ASTN2: variants seen among roughly 807,000 people sequenced by gnomAD.
ASTN2 encodes astrotactin-2.
In ASTN2, 54 loss-of-function variants were observed where a neutral mutation model predicts 139.8. That is an observed-to-expected ratio of 0.39 (90% CI 0.31 to 0.48). ASTN2 has a LOEUF of 0.48. ASTN2 is among the 20% of genes least tolerant of loss of function. The pLI is 0.95. For missense variants in ASTN2, 1,565 were observed against 1,725.1 expected, an observed-to-expected ratio of 0.91 and a Z score of 1.64; for synonymous variants, 756 against 719.5, an observed-to-expected ratio of 1.05 and a Z score of -0.81.
At chr9:116,502,690 G>GGAAA (rs1240946190) in intron 19 of ASTN2, among the ~76,000 whole-genome samples, 555 of 13,786 alleles carry the variant, frequency 0.04, 31 homozygotes, top group East Asian at 0.33. Flanking sequence ...AAAGAAGGAA[G>GGAAA]GAAGGAAGGA....
At chr9:117,407,730 C>T (rs560296944) in intron 1 of ASTN2, among the ~76,000 whole-genome samples, 51 of 152,284 alleles carry the variant, frequency 3.3e-4, no homozygotes, top group African/African-American at 1.2e-3. Flanking sequence ...AGAACAAGTG[C>T]TAGAAAATAG....
At chr9:116,537,069 C>T (rs1467080680) in intron 19 of ASTN2, among the ~76,000 whole-genome samples, 1 of 152,192 alleles carries the variant, frequency 6.6e-6, no homozygotes, top group Non-Finnish European at 1.5e-5. Flanking sequence ...GCGCCCCTCC[C>T]CCAGCCTTGC....
intron 19 of ASTN2, among the ~76,000 whole-genome samples, chr9:116,560,737 T>C (rs756554265): frequency 1.3e-5 from 2 of 152,202 alleles, no homozygotes; most frequent in Non-Finnish European, 2.9e-5. Context: ...GCAAAATGTC[T>C]CTGGGACCTG....
intron 10 of ASTN2, among the ~76,000 whole-genome samples, chr9:116,886,002 G>A (rs1245410806): frequency 6.6e-6 from 1 of 152,212 alleles, no homozygotes; most frequent in Non-Finnish European, 1.5e-5. Flanking sequence ...GGGCAGGTGG[G>A]CTTTCTGTGC....
chr9:116,863,519 G>T lies in ASTN2; in HGVS notation c.2040+64C>A, dbSNP rs556665897. The T allele has an allele frequency of 8.2e-6, 13 of 1,577,400 alleles. No homozygotes were observed. In the African/African-American group the frequency reaches 1.8e-4, roughly 21 times the overall value. ...TTACCAGCGTTCCCTCGCAGGGCAG[G>T]GCTTCTAGCAGGTGGCCTTAGCCCC... On this transcript the variant is annotated intron_variant, in intron 11 of 22. Coordinates refer to ENST00000313400, the MANE Select transcript of ASTN2 (RefSeq NM_001365068.1).
intron 1 of ASTN2, among the ~76,000 whole-genome samples, chr9:117,397,931 T>C (rs1010999119): frequency 2.0e-4 from 30 of 152,308 alleles, no homozygotes; most frequent in African/African-American, 7.0e-4. Context: ...TAATAACTAG[T>C]CCCTTTCTAG....
intron 5 of ASTN2, among the ~76,000 whole-genome samples, chr9:117,061,666 C>G (rs956063987): frequency 5.9e-5 from 9 of 152,176 alleles, no homozygotes; most frequent in African/African-American, 2.2e-4. Context: ...CTTTGTTATA[C>G]AAGTTATTAA....
intron 11 of ASTN2, among the ~76,000 whole-genome samples, chr9:116,836,748 A>G (rs1204847270): frequency 6.6e-6 from 1 of 152,068 alleles, no homozygotes; most frequent in Non-Finnish European, 1.5e-5. Flanking sequence ...GCTGGTCTGC[A>G]ATGCTCCACC....
chr9:117,298,010 G>C (rs942409746), intron 1 of ASTN2, among the ~76,000 whole-genome samples: 1 of 152,166 alleles, frequency 6.6e-6, no homozygotes, highest in East Asian at 1.9e-4. Context: ...TCCTTAACAG[G>C]TATCCCTACC....
chr9:117,327,529 G>A (rs539178600), intron 1 of ASTN2, among the ~76,000 whole-genome samples: 3 of 152,250 alleles, frequency 2.0e-5, no homozygotes, highest in Non-Finnish European at 4.4e-5. Flanking sequence ...CATCTGAGAA[G>A]GTCAAGTGTG....
intron 1 of ASTN2, among the ~76,000 whole-genome samples, chr9:117,363,963 C>T (rs1325377123): frequency 6.6e-6 from 1 of 152,138 alleles, no homozygotes; most frequent in Admixed American, 6.5e-5. Flanking sequence ...TGTTTTGTAT[C>T]CACCTGTCTA....
intron 3 of ASTN2, among the ~76,000 whole-genome samples, chr9:117,159,390 G>A (rs1588027395): frequency 6.6e-6 from 1 of 152,032 alleles, no homozygotes; most frequent in East Asian, 1.9e-4. Flanking sequence ...AAAAGAAAAA[G>A]TGTTGGAGTC....
At chr9:117,291,570 G>A in intron 1 of ASTN2, 57 bp from the exon 2 acceptor site, 1 of 1,492,198 alleles carries the variant, frequency 6.7e-7, no homozygotes, top group Non-Finnish European at 9.0e-7. Context: ...TGGTGCTCCA[G>A]GGAGGAAAAG....
intron 3 of ASTN2, among the ~76,000 whole-genome samples, chr9:117,204,287 G>A (rs1195909854): frequency 1.3e-5 from 2 of 152,142 alleles, no homozygotes; most frequent in African/African-American, 4.8e-5. Flanking sequence ...TGGAACTCCT[G>A]GCCTCATGTG....
chr9:117,390,250 T>C (rs931217103), intron 1 of ASTN2, among the ~76,000 whole-genome samples: 1 of 152,142 alleles, frequency 6.6e-6, no homozygotes, highest in African/African-American at 2.4e-5. Context: ...AATTCCAATA[T>C]CCTAACTCTC....
rs144433753 is a variant in ASTN2, at chr9:116,844,401, T to C, written c.2040+19182A>G. On this transcript the variant is annotated intron_variant, in intron 11 of 22. Transcript: ENST00000313400. ...AATACACACAGCTTCCTTTTCTCAG[T>C]CCAGCACGTGGGAGGGAGACAAGCC... 6.1e-3 allele frequency among the ~76,000 whole-genome samples: 923 copies of C among 152,284 alleles called. 8 individuals are homozygous for C. The highest frequency in any genetic ancestry group is 0.021 in the African/African-American group (865 of 41,562).
chr9:116,496,795 A>G (rs989949364), intron 19 of ASTN2, among the ~76,000 whole-genome samples: 1 of 152,248 alleles, frequency 6.6e-6, no homozygotes, highest in Non-Finnish European at 1.5e-5. Context: ...GGCACGTCTT[A>G]CGTGGTGGCA....
intron 2 of ASTN2, among the ~76,000 whole-genome samples, chr9:117,233,743 A>G (rs1174283364): frequency 6.6e-6 from 1 of 152,164 alleles, no homozygotes; most frequent in East Asian, 1.9e-4. Flanking sequence ...GTGATCACTG[A>G]ACAGTGAGCA....
At chr9:117,182,052 T>C (rs1308362448) in intron 3 of ASTN2, among the ~76,000 whole-genome samples, 1 of 152,116 alleles carries the variant, frequency 6.6e-6, no homozygotes, top group Admixed American at 6.5e-5. Flanking sequence ...GGCTGCCAAT[T>C]TCACAGTTCA....
Sources: gnomAD v4.1 joint callset for allele counts (sites outside exome capture counted in the v4.1 genomes callset) on GRCh38, gnomAD v4.1.1 for gene constraint, MANE v1.5 for transcripts, NCBI Gene and HGNC (gene_info 2026-07-23, HGNC 2026-07-21) for gene names.